The following CYP4F22 variants were observed in gnomAD, a reference collection of about 807,000 sequenced individuals.
CYP4F22 encodes the protein ultra-long-chain fatty acid omega-hydroxylase.
In CYP4F22, 37 loss-of-function variants were observed where a neutral mutation model predicts 60.4. The observed-to-expected ratio is 0.61, with a 90% CI of 0.47 to 0.81. The LOEUF (loss-of-function observed/expected upper bound fraction) is 0.81. CYP4F22 is among the 30% of genes least tolerant of loss of function. The pLI, the probability that CYP4F22 is intolerant of heterozygous loss-of-function variation, is 0.00. For missense variants in CYP4F22, 655 were observed against 715.0 expected, an observed-to-expected ratio of 0.92 and a Z score of 0.96; for synonymous variants, 258 against 280.5, an observed-to-expected ratio of 0.92 and a Z score of 0.80.
rs1316156046 is a variant in CYP4F22, at chr19:15,544,138, A to G, written c.1007-12A>G. The G allele has an allele frequency of 6.2e-7, 1 of 1,614,182 alleles. No individual in the cohort carries two copies. The highest frequency in any genetic ancestry group is 1.1e-5 in the South Asian group (1 of 91,088). On this transcript the variant is annotated splice_polypyrimidine_tract_variant and intron_variant, in intron 9 of 13. Transcript: ENST00000269703. ...AGGCAGCCTCCATTCAGATACCCTC[A>G]TCTCCCTGCAGGTCACGACACAACA...
At chr19:15,539,280 G>A (rs1210542785) in intron 7 of CYP4F22, among the ~76,000 whole-genome samples, 3 of 152,000 alleles carry the variant, frequency 2.0e-5, no homozygotes. Flanking sequence ...TATTTCACAC[G>A]GATGGAATCA....
chr19:15,525,900 A>G (rs1390304441), intron 3 of CYP4F22, among the ~76,000 whole-genome samples: 1 of 151,966 alleles, frequency 6.6e-6, no homozygotes, highest in Non-Finnish European at 1.5e-5. Flanking sequence ...GGTGGTGCAC[A>G]CTTGTAGTCT....
chr19:15,528,681 A>G (rs1286020388), intron 3 of CYP4F22, among the ~76,000 whole-genome samples: 1 of 152,220 alleles, frequency 6.6e-6, no homozygotes, highest in African/African-American at 2.4e-5. Context: ...CAACCAGAAC[A>G]GTCACCTACT....
At chr19:15,516,932 C>T (rs754554034) in intron 1 of CYP4F22, 14 of 195,120 alleles carry the variant, frequency 7.2e-5, no homozygotes, top group Middle Eastern at 1.9e-3. Context: ...CTGGTTCAAG[C>T]GATTCTCCTG....
chr19:15,550,298 AACAAACAAAGACAG>A (rs1485153458), intron 12 of CYP4F22, among the ~76,000 whole-genome samples: 2 of 152,090 alleles, frequency 1.3e-5, no homozygotes, highest in Non-Finnish European at 2.9e-5. Flanking sequence ...CAAACAAACA[AACAAACAAAGACAG>A]ACAAACAAAC....
chr19:15,526,601 G>T (rs988699150), intron 3 of CYP4F22, among the ~76,000 whole-genome samples: 1 of 152,146 alleles, frequency 6.6e-6, no homozygotes, highest in Non-Finnish European at 1.5e-5. Flanking sequence ...AGGTTAAGTA[G>T]CTGACCTTAG....
chr19:15,546,736 C>CTTT (rs987893062), intron 10 of CYP4F22, among the ~76,000 whole-genome samples: 1 of 151,992 alleles, frequency 6.6e-6, no homozygotes, highest in Non-Finnish European at 1.5e-5. Context: ...TCTTTTCTTT[C>CTTT]TTTTTTCTTT....
intron 12 of CYP4F22, among the ~76,000 whole-genome samples, chr19:15,549,655 C>T (rs1403152593): frequency 6.6e-6 from 1 of 150,948 alleles, no homozygotes; most frequent in African/African-American, 2.4e-5. Context: ...CAGCGAGACC[C>T]CCCATCTCTA....
At chr19:15,531,686 T>G (rs566125809) in intron 4 of CYP4F22, among the ~76,000 whole-genome samples, 32 of 151,990 alleles carry the variant, frequency 2.1e-4, no homozygotes, top group Non-Finnish European at 3.7e-4. Context: ...AGGACTGAGG[T>G]GGGTTGGCTT....
intron 12 of CYP4F22, among the ~76,000 whole-genome samples, chr19:15,550,086 G>A (rs1323798892): frequency 6.6e-6 from 1 of 152,064 alleles, no homozygotes; most frequent in Non-Finnish European, 1.5e-5. Flanking sequence ...GTGCCACCAT[G>A]CCTGGCTAAT....
chr19:15,541,096 C>T (rs1203770323), intron 8 of CYP4F22, among the ~76,000 whole-genome samples: 1 of 152,200 alleles, frequency 6.6e-6, no homozygotes, highest in African/African-American at 2.4e-5. Flanking sequence ...CAAAACAAAA[C>T]AATACACATG....
At chr19:15,524,988 G>C (rs1480426778) in intron 2 of CYP4F22, among the ~76,000 whole-genome samples, 1 of 152,138 alleles carries the variant, frequency 6.6e-6, no homozygotes, top group Non-Finnish European at 1.5e-5. Flanking sequence ...GAGGGAGCTG[G>C]GGTATTTATC....
intron 1 of CYP4F22, chr19:15,515,412 A>T: frequency 8.2e-7 from 1 of 1,214,010 alleles, no homozygotes; most frequent in South Asian, 1.2e-5. Context: ...GGTCCAACTC[A>T]GACAGCAACT....
chr19:15,528,594 A>T (rs796396023), intron 3 of CYP4F22, among the ~76,000 whole-genome samples: 23 of 152,138 alleles, frequency 1.5e-4, no homozygotes, highest in African/African-American at 5.5e-4. Flanking sequence ...CTCATGACCC[A>T]TGTTTTTGGG....
At chr19:15,511,193 C>T (rs1275132162) in intron 1 of CYP4F22, among the ~76,000 whole-genome samples, 2 of 151,062 alleles carry the variant, frequency 1.3e-5, no homozygotes, top group Non-Finnish European at 2.9e-5. Context: ...CTCGAACTCC[C>T]GACCTCAGGT....
At chr19:15,509,855 TCC>T (rs1221445959) in intron 1 of CYP4F22, among the ~76,000 whole-genome samples, 3 of 25,052 alleles carry the variant, frequency 1.2e-4, no homozygotes, top group Admixed American at 1.1e-3. Context: ...GACCCATCTC[TCC>T]TTCCTTCCTT....
chr19:15,534,578 A>G (rs943860738), intron 4 of CYP4F22, among the ~76,000 whole-genome samples: 1 of 151,922 alleles, frequency 6.6e-6, no homozygotes, highest in Admixed American at 6.6e-5. Context: ...CTGCCTCCCA[A>G]AGTGCTAGGA....
chr19:15,533,725 C>T (rs979875001), intron 4 of CYP4F22, among the ~76,000 whole-genome samples: 3 of 151,692 alleles, frequency 2.0e-5, no homozygotes, highest in Admixed American at 1.3e-4. Context: ...CTCAGCCTCC[C>T]GAGTAGCTGG....
At chr19:15,537,331 G>A (rs891782973) in intron 4 of CYP4F22, 30 bp from the exon 5 acceptor site, 3 of 1,613,606 alleles carry the variant, frequency 1.9e-6, no homozygotes, top group Non-Finnish European at 2.5e-6. Flanking sequence ...ACTCTGTTTT[G>A]AGTCACCATT....
Sources: gnomAD v4.1 joint callset for allele counts (sites outside exome capture counted in the v4.1 genomes callset) on GRCh38, gnomAD v4.1.1 for gene constraint, MANE v1.5 for transcripts, NCBI Gene and HGNC (gene_info 2026-07-23, HGNC 2026-07-21) for gene names.